Variants in NRXN1 observed in about 807,000 individuals in gnomAD.
NRXN1 encodes neurexin-1.
NRXN1 carries 39 observed loss-of-function variants against 150.9 expected under a neutral mutation model. That is an observed-to-expected ratio of 0.26 (90% CI 0.20 to 0.34). The LOEUF is 0.34. Among genes scored for constraint, NRXN1 ranks in the 10% least tolerant of loss-of-function variants. The pLI is 1.00. For missense variants in NRXN1, 1,815 were observed against 1,949.9 expected, an observed-to-expected ratio of 0.93 and a Z score of 1.30; for synonymous variants, 924 against 757.0, an observed-to-expected ratio of 1.22 and a Z score of -3.62.
intron 5 of NRXN1, among the ~76,000 whole-genome samples, chr2:50,820,376 C>T (rs1669551268): frequency 6.6e-6 from 1 of 152,078 alleles, no homozygotes; most frequent in Admixed American, 6.5e-5. Context: ...GTGATTTGAA[C>T]TAATTTAACT....
At chr2:50,696,147 A>T (rs1211023170) in intron 5 of NRXN1, 1 of 151,690 alleles carries the variant, frequency 6.6e-6, no homozygotes, top group African/African-American at 2.4e-5. Flanking sequence ...CCAGTCGACT[A>T]TGGAAATTTT....
At chr2:50,853,855 T>C (rs1674879765) in intron 5 of NRXN1, among the ~76,000 whole-genome samples, 1 of 152,134 alleles carries the variant, frequency 6.6e-6, no homozygotes, top group Non-Finnish European at 1.5e-5. Flanking sequence ...ATTCTCATAA[T>C]TAAAGAGAAA....
At chr2:49,972,119 A>G (rs1228350434) in intron 21 of NRXN1, among the ~76,000 whole-genome samples, 1 of 152,198 alleles carries the variant, frequency 6.6e-6, no homozygotes, top group Non-Finnish European at 1.5e-5. Flanking sequence ...TTAGGACTGA[A>G]AACTGTATCT....
chr2:50,452,286 C>T (rs571077842), intron 17 of NRXN1, among the ~76,000 whole-genome samples: 3 of 152,236 alleles, frequency 2.0e-5, no homozygotes, highest in African/African-American at 7.2e-5. Context: ...TGTACTGTGG[C>T]TGAGCTGTAG....
At chr2:50,949,097 G>A (rs867336373) in intron 2 of NRXN1, among the ~76,000 whole-genome samples, 5 of 151,994 alleles carry the variant, frequency 3.3e-5, no homozygotes, top group African/African-American at 1.2e-4. Flanking sequence ...TCTTAGGACT[G>A]TCCTATTAAA....
chr2:50,687,823 G>A (rs1047837535), intron 5 of NRXN1, among the ~76,000 whole-genome samples: 3 of 152,116 alleles, frequency 2.0e-5, no homozygotes, highest in Admixed American at 1.3e-4. Flanking sequence ...TGACAAACAC[G>A]GGCAAGAGAA....
chr2:50,604,089 T>A (rs1411255105), intron 8 of NRXN1, among the ~76,000 whole-genome samples: 1 of 152,186 alleles, frequency 6.6e-6, no homozygotes, highest in African/African-American at 2.4e-5. Flanking sequence ...CTACACTGTA[T>A]CTCCCACTGG....
intron 17 of NRXN1, among the ~76,000 whole-genome samples, chr2:50,379,018 T>C (rs541711788): frequency 8.5e-5 from 13 of 152,224 alleles, no homozygotes; most frequent in African/African-American, 2.6e-4. Context: ...TCCCAGCCCT[T>C]AGAAGAGTAT....
intron 8 of NRXN1, among the ~76,000 whole-genome samples, chr2:50,566,535 G>A (rs1669892247): frequency 6.6e-6 from 1 of 151,578 alleles, no homozygotes; most frequent in Non-Finnish European, 1.5e-5. Context: ...GATTACAGGC[G>A]TGAGCCACCG....
In NRXN1 at chr2:50,695,841, ATTTTTT is replaced by A. The variant is rs5831150; in HGVS notation, c.833-72232_833-72227del. ...AATAAGCCTAACCAGAGTGACTCTG[ATTTTTT>A]TTTTTTTTTTTTTGAGATGGAGCTT... On this transcript the variant is annotated intron_variant, in intron 5 of 22. Coordinates refer to ENST00000401669, the MANE Select transcript of NRXN1 (RefSeq NM_001330078.2). Among the ~76,000 whole-genome samples, 3 of 127,318 alleles carry A rather than the reference ATTTTTT, an allele frequency of 2.4e-5. No individual in the cohort carries two copies. In the East Asian group the frequency reaches 7.0e-4, roughly 30 times the overall value. 83.5% of individuals were successfully genotyped at this position (127,318 alleles called of 152,430 possible). A position where few individuals can be genotyped will look rare whatever the true frequency, so the allele number is the denominator to read the frequency against.
At chr2:49,923,667 T>A (rs1315968051) in intron 22 of NRXN1, among the ~76,000 whole-genome samples, 1 of 152,210 alleles carries the variant, frequency 6.6e-6, no homozygotes, top group Non-Finnish European at 1.5e-5. Context: ...TATGGCTCTA[T>A]ACTGCTTTGT....
At chr2:50,467,216 G>T (rs6726487) in intron 16 of NRXN1, among the ~76,000 whole-genome samples, 89,549 of 151,566 alleles carry the variant, frequency 0.59, 26,878 homozygotes, top group Middle Eastern at 0.7. Context: ...ACTTTCACAA[G>T]TATTTTCAAC....
chr2:50,347,318 C>T lies in NRXN1; in HGVS notation c.3365-110348G>A. 1 of 1,256,840 alleles carries T rather than the reference C, an allele frequency of 8.0e-7. No individual in the cohort carries two copies. The highest frequency in any genetic ancestry group is 1.0e-6 in the Non-Finnish European group (1 of 974,772). The allele number at this position is 1,256,840 out of a possible 1,614,324, so 77.9% of individuals were successfully genotyped here. On this transcript the variant is annotated intron_variant, in intron 17 of 22. Coordinates refer to ENST00000401669, the MANE Select transcript of NRXN1 (RefSeq NM_001330078.2). This position sits in a 1 kb window ranked among gnomAD's most constrained non-coding sequence, Gnocchi z 4.9. ...AGAGTGCGTGCCGGCGGGTGGGGGGCCGAGAAATTGTTTAAAGCTCCTCCT... is the reference window on the plus strand; with the variant it reads ...AGAGTGCGTGCCGGCGGGTGGGGGGTCGAGAAATTGTTTAAAGCTCCTCCT...
chr2:50,253,602 T>C (rs1331966035), intron 17 of NRXN1, among the ~76,000 whole-genome samples: 4 of 152,204 alleles, frequency 2.6e-5, no homozygotes, highest in Admixed American at 6.6e-5. Context: ...ACCTAGTTTA[T>C]TGAGAGTTTT....
chr2:50,162,702 A>G (rs569990625), intron 18 of NRXN1, among the ~76,000 whole-genome samples: 2 of 152,134 alleles, frequency 1.3e-5, no homozygotes, highest in African/African-American at 4.8e-5. Flanking sequence ...TTTATAAAAA[A>G]TAATTTGCAA....
chr2:50,301,679 G>A (rs2074164991), intron 17 of NRXN1, among the ~76,000 whole-genome samples: 1 of 152,102 alleles, frequency 6.6e-6, no homozygotes, highest in African/African-American at 2.4e-5. Flanking sequence ...GAATACCCTG[G>A]CATGTCAGCT....
Position 50,012,592 on chromosome 2 carries a change from AT to A in NRXN1, c.4128+40678del, listed in dbSNP as rs1309072463. ...CTCCATTCATCTTACAGATCTGATAATTTTTCACCAAGGAAACAGTCTTTGT... is the reference window on the plus strand; with the variant it reads ...CTCCATTCATCTTACAGATCTGATAATTTTCACCAAGGAAACAGTCTTTGT... On this transcript the variant is annotated intron_variant, in intron 21 of 22. Transcript: ENST00000401669. Among the ~76,000 whole-genome samples the A allele has an allele frequency of 3.9e-5, 6 of 152,172 alleles. No individual in the cohort carries two copies. The South Asian group carries it at 1.0e-3, about 26-fold the overall frequency.
intron 18 of NRXN1, among the ~76,000 whole-genome samples, chr2:50,232,045 C>G (rs60408527): frequency 0.011 from 1,601 of 152,082 alleles, 29 homozygotes; most frequent in African/African-American, 0.037. Context: ...ACTGTCCACA[C>G]AAATACTATA....
At chr2:50,177,352 A>C (rs1395132622) in intron 18 of NRXN1, among the ~76,000 whole-genome samples, 5 of 152,102 alleles carry the variant, frequency 3.3e-5, no homozygotes, top group Non-Finnish European at 5.9e-5. Flanking sequence ...TAGTTGTTTT[A>C]TTACACCAAA....
Sources: gnomAD v4.1 joint callset for allele counts (sites outside exome capture counted in the v4.1 genomes callset) on GRCh38, gnomAD v4.1.1 for gene constraint, Gnocchi (gnomAD v3.1) non-coding constraint, MANE v1.5 for transcripts, NCBI Gene and HGNC (gene_info 2026-07-23, HGNC 2026-07-21) for gene names.